Variants in PDE4D observed in about 807,000 individuals in gnomAD.
The protein encoded by PDE4D is phosphodiesterase 4D.
In PDE4D, 24 loss-of-function variants were observed where a neutral mutation model predicts 87.4. The ratio of observed to expected loss-of-function variants is 0.27; its 90% CI spans 0.20 to 0.39. PDE4D has a LOEUF of 0.39. Among genes scored for constraint, PDE4D ranks in the 10% least tolerant of loss-of-function variants. The pLI, the probability that PDE4D is intolerant of heterozygous loss-of-function variation, is 1.00. For synonymous variants in PDE4D, 384 were observed against 383.2 expected (o/e 1.00, Z -0.02); for missense variants, 714 against 1,041.0 (o/e 0.69, Z 4.32).
chr5:60,320,512 C>T (rs1052588147), intron 1 of PDE4D, among the ~76,000 whole-genome samples: 1 of 152,164 alleles, frequency 6.6e-6, no homozygotes, highest in Admixed American at 6.5e-5. Context: ...CCGACACTCC[C>T]CAGTGAGATG....
At chr5:60,209,257 ACC>A (rs914064508) in intron 1 of PDE4D, among the ~76,000 whole-genome samples, 4 of 147,244 alleles carry the variant, frequency 2.7e-5, no homozygotes, top group Admixed American at 1.4e-4. Flanking sequence ...TAGCACTAGA[ACC>A]CTTATACTTT....
chr5:59,302,689 C>T (rs548927439), intron 1 of PDE4D, among the ~76,000 whole-genome samples: 12 of 152,302 alleles, frequency 7.9e-5, no homozygotes, highest in African/African-American at 2.9e-4. Context: ...TCATCCAGGT[C>T]ACTGCAAATG....
At chr5:59,683,773 A>G (rs1749416877) in intron 1 of PDE4D, among the ~76,000 whole-genome samples, 1 of 152,208 alleles carries the variant, frequency 6.6e-6, no homozygotes, top group Non-Finnish European at 1.5e-5. Context: ...GATATAGACA[A>G]CATATTTAAA....
At chr5:59,451,821 G>A (rs1485074262) in intron 1 of PDE4D, among the ~76,000 whole-genome samples, 2 of 152,122 alleles carry the variant, frequency 1.3e-5, no homozygotes, top group Non-Finnish European at 2.9e-5. Context: ...AAACACAAAT[G>A]CCCATGTCAT....
intron 1 of PDE4D, among the ~76,000 whole-genome samples, chr5:59,447,845 A>G (rs1798572904): frequency 6.6e-6 from 1 of 152,194 alleles, no homozygotes; most frequent in South Asian, 2.1e-4. Context: ...TGGCATTTCT[A>G]AACAGAAGTT....
chr5:59,461,836 GCT>G (rs1800826130), intron 1 of PDE4D, among the ~76,000 whole-genome samples: 1 of 151,898 alleles, frequency 6.6e-6, no homozygotes, highest in Non-Finnish European at 1.5e-5. Context: ...CTTTCCATAG[GCT>G]CTCAGTAGAA....
Position 59,140,280 on chromosome 5 carries a change from T to C in PDE4D, c.808+40315A>G, listed in dbSNP as rs191706581. Among the ~76,000 whole-genome samples the C allele has an allele frequency of 1.6e-3, 242 of 152,330 alleles. 2 individuals are homozygous for C. The highest frequency in any genetic ancestry group is 4.7e-3 in the African/African-American group (196 of 41,570). Reference sequence around the variant, plus strand: ...GTCACACTTCTGTCAAATGATCCTATTGCTTTAAAAGTTTGAGATGATGCC... The same window carrying C: ...GTCACACTTCTGTCAAATGATCCTACTGCTTTAAAAGTTTGAGATGATGCC... On this transcript the variant is annotated intron_variant, in intron 5 of 14. Coordinates refer to ENST00000340635, the MANE Select transcript of PDE4D (RefSeq NM_001104631.2).
chr5:59,158,658 T>C (rs79774069), intron 5 of PDE4D, among the ~76,000 whole-genome samples: 1,711 of 152,334 alleles, frequency 0.011, 24 homozygotes, highest in African/African-American at 0.039. Flanking sequence ...TTTTTTATAA[T>C]AATAAAATAT....
chr5:59,534,195 T>A (rs1363582405), intron 1 of PDE4D, among the ~76,000 whole-genome samples: 1 of 152,202 alleles, frequency 6.6e-6, no homozygotes, highest in Non-Finnish European at 1.5e-5. Context: ...AGATTGATTT[T>A]CTTGCTCTAA....
rs533689398 is a variant in PDE4D at position 59,524,968 on chromosome 5, A to G, written c.456-309000T>C. 4.6e-5 allele frequency among the ~76,000 whole-genome samples: 7 copies of G among 152,368 alleles called. No homozygotes were observed. In the South Asian group the frequency reaches 1.5e-3, roughly 32 times the overall value. ...ATGGAAATGCCTGGATGTCCAGGCA[A>G]GAGCCTGCTGCAGGGACGGGGCCCT... is the stretch of plus-strand genomic sequence containing the variant. On this transcript the variant is annotated intron_variant, in intron 1 of 14. Coordinates refer to ENST00000340635, the MANE Select transcript of PDE4D (RefSeq NM_001104631.2).
chr5:60,181,119 A>T (rs748681099), intron 2 of PDE4D, among the ~76,000 whole-genome samples: 2 of 152,134 alleles, frequency 1.3e-5, no homozygotes, highest in Non-Finnish European at 2.9e-5. Context: ...ATCTTTTCTA[A>T]ATTTATTTTT....
At chr5:59,918,167 A>G (rs1346905040) in intron 3 of PDE4D, among the ~76,000 whole-genome samples, 1 of 152,186 alleles carries the variant, frequency 6.6e-6, no homozygotes, top group Non-Finnish European at 1.5e-5. Context: ...TGAAAGATAA[A>G]TAACATTAAA....
intron 2 of PDE4D, among the ~76,000 whole-genome samples, chr5:60,154,283 CTT>C (rs11312023): frequency 4.0e-5 from 6 of 149,670 alleles, no homozygotes; most frequent in African/African-American, 4.9e-5. Context: ...CTATTAACTT[CTT>C]TTTTTTTTTG....
intron 1 of PDE4D, among the ~76,000 whole-genome samples, chr5:60,273,308 A>G (rs1227683076): frequency 6.6e-6 from 1 of 152,198 alleles, no homozygotes; most frequent in Admixed American, 6.5e-5. Context: ...CTCCAAGCAG[A>G]GGCATCACCT....
chr5:59,780,310 G>A (rs1454146676), intron 1 of PDE4D, among the ~76,000 whole-genome samples: 2 of 152,160 alleles, frequency 1.3e-5, no homozygotes, highest in African/African-American at 2.4e-5. Context: ...AAGTTGCAGT[G>A]AGCTGAGATC....
chr5:60,325,805 TTCC>T (rs1399755952), intron 1 of PDE4D, among the ~76,000 whole-genome samples: 2 of 152,120 alleles, frequency 1.3e-5, no homozygotes, highest in African/African-American at 4.8e-5. Context: ...CACACCCAGT[TTCC>T]TCCTATTCCT....
chr5:60,339,402 G>A (rs183926681), intron 1 of PDE4D, among the ~76,000 whole-genome samples: 2 of 152,076 alleles, frequency 1.3e-5, no homozygotes, highest in African/African-American at 4.8e-5. Context: ...GCATGGACAT[G>A]CTGGACAAAG....
Position 60,505,322 on chromosome 5 carries a change from T to G in PDE4D, n.70+16729A>C, listed in dbSNP as rs1388040704. 2.0e-5 allele frequency among the ~76,000 whole-genome samples: 3 copies of G among 152,216 alleles called. No homozygotes were observed. The East Asian group carries it at 5.8e-4, about 29-fold the overall frequency. The stretch of plus-strand genomic sequence containing the variant: ...CATGTTTGTTTCCAATCAGGCAAAT[T>G]TAATAAAGTCCCATTTTCACCATAT... On this transcript the variant is annotated intron_variant and non_coding_transcript_variant, in intron 1 of 2. Coordinates refer to the PDE4D transcript ENST00000506510.
At chr5:59,281,101 C>T (rs1245520627) in intron 1 of PDE4D, among the ~76,000 whole-genome samples, 2 of 152,060 alleles carry the variant, frequency 1.3e-5, no homozygotes, top group Non-Finnish European at 2.9e-5. Context: ...AGAGTGAGGG[C>T]TTATGGAGAA....
Sources: allele counts gnomAD v4.1 joint callset (sites outside exome capture counted in the v4.1 genomes callset), GRCh38; gene constraint gnomAD v4.1.1; transcripts MANE v1.5; gene names NCBI Gene and HGNC (gene_info 2026-07-23, HGNC 2026-07-21).